Variants in RAB7A observed in about 807,000 individuals in gnomAD.
RAB7A encodes RAB7A, member RAS oncogene family.
In RAB7A, 2 loss-of-function variants were observed where a neutral mutation model predicts 24.5. The observed-to-expected ratio is 0.08, with a 90% CI of 0.03 to 0.26. RAB7A has a LOEUF of 0.26. RAB7A is among the 10% of genes least tolerant of loss of function. RAB7A has a pLI of 1.00. For synonymous variants in RAB7A, 100 were observed against 95.9 expected, an observed-to-expected ratio of 1.04 and a Z score of -0.25; for missense variants, 118 against 255.7, an observed-to-expected ratio of 0.46 and a Z score of 3.67.
At chr3:128,782,062 A>G (rs1933233650) in intron 1 of RAB7A, among the ~76,000 whole-genome samples, 1 of 152,144 alleles carries the variant, frequency 6.6e-6, no homozygotes, top group Admixed American at 6.5e-5. Context: ...TTGGCTTTCC[A>G]TTGTCTTGTT....
chr3:128,732,093 G>A (rs1435615170), intron 1 of RAB7A, among the ~76,000 whole-genome samples: 8 of 149,116 alleles, frequency 5.4e-5, no homozygotes, highest in African/African-American at 2.0e-4. Flanking sequence ...AGGCTGGAGT[G>A]CAGTAGCATG....
At chr3:128,743,514 A>AT (rs1025040343) in intron 1 of RAB7A, among the ~76,000 whole-genome samples, 3 of 152,200 alleles carry the variant, frequency 2.0e-5, no homozygotes, top group Non-Finnish European at 2.9e-5. Flanking sequence ...TGCCTGACTA[A>AT]TTTTTTTTGT....
chr3:128,733,190 T>A (rs922645192), intron 1 of RAB7A, among the ~76,000 whole-genome samples: 2 of 152,196 alleles, frequency 1.3e-5, no homozygotes, highest in African/African-American at 4.8e-5. Context: ...CCTCTTAGTC[T>A]CCTTTAAGTC....
intron 1 of RAB7A, among the ~76,000 whole-genome samples, chr3:128,783,076 TCTTACTTGGCCTCTGGGCATGTCCA>T (rs984495261): frequency 1.3e-5 from 2 of 152,142 alleles, no homozygotes; most frequent in Non-Finnish European, 2.9e-5. Context: ...CTCCATCATC[TCTTACTTGGCCTCTGGGCATGTCCA>T]CTGTCCCTGC....
chr3:128,793,449 C>G (rs1933504215), intron 1 of RAB7A, among the ~76,000 whole-genome samples: 1 of 147,026 alleles, frequency 6.8e-6, no homozygotes, highest in South Asian at 2.2e-4. Flanking sequence ...CCACCGTGCC[C>G]AGCCTTTTCT....
At chr3:128,751,265 G>A (rs1435433986) in intron 1 of RAB7A, among the ~76,000 whole-genome samples, 1 of 152,150 alleles carries the variant, frequency 6.6e-6, no homozygotes, top group African/African-American at 2.4e-5. Context: ...AATAGTAGAT[G>A]CACCAACAGC....
intron 1 of RAB7A, among the ~76,000 whole-genome samples, chr3:128,760,025 G>A (rs533210045): frequency 6.6e-6 from 1 of 152,210 alleles, no homozygotes; most frequent in African/African-American, 2.4e-5. Context: ...GATGACTTAT[G>A]AGTCAATTTG....
At chr3:128,737,494 C>G (rs748130601) in intron 1 of RAB7A, among the ~76,000 whole-genome samples, 1 of 151,848 alleles carries the variant, frequency 6.6e-6, no homozygotes, top group Non-Finnish European at 1.5e-5. Flanking sequence ...CAGGTGTGCA[C>G]CACCATGCCC....
intron 1 of RAB7A, among the ~76,000 whole-genome samples, chr3:128,763,209 T>TATA (rs1553718917): frequency 2.1e-3 from 131 of 62,162 alleles, no homozygotes; most frequent in South Asian, 0.011. Flanking sequence ...TATATATATA[T>TATA]TTTTTTTTTT....
Position 128,813,494 on chromosome 3 carries a change from C to A in RAB7A, c.*72C>A. On this transcript the variant is annotated 3_prime_UTR_variant, in exon 6 of 6. Coordinates refer to ENST00000265062, the MANE Select transcript of RAB7A (RefSeq NM_004637.6). ...CACGTAGGCCTTCAACACAATTCCC[C>A]TCTCCTCTTCCAAACAAAACATACA... 1 of 1,379,432 alleles carries A rather than the reference C, an allele frequency of 7.2e-7. No individual in the cohort carries two copies. The highest frequency in any genetic ancestry group is 1.0e-6 in the Non-Finnish European group (1 of 969,628). 85.4% of individuals were successfully genotyped at this position (1,379,432 alleles called of 1,614,324 possible).
At chr3:128,742,204 C>G (rs13325671) in intron 1 of RAB7A, among the ~76,000 whole-genome samples, 4 of 151,194 alleles carry the variant, frequency 2.6e-5, no homozygotes, top group Non-Finnish European at 2.9e-5. Context: ...TCGTTCCTCC[C>G]GTCTAGAGTT....
chr3:128,787,185 C>T (rs1011570380), intron 1 of RAB7A, among the ~76,000 whole-genome samples: 1 of 152,166 alleles, frequency 6.6e-6, no homozygotes, highest in Non-Finnish European at 1.5e-5. Context: ...GTGATTAGGA[C>T]CCAGTTGTTG....
intron 4 of RAB7A, 84 bp from the exon 5 acceptor site, chr3:128,807,459 G>T: frequency 6.3e-7 from 1 of 1,596,046 alleles, no homozygotes; most frequent in South Asian, 1.1e-5. Flanking sequence ...TGTAGACGAG[G>T]GGCCATGACA....
At chr3:128,751,493 T>C (rs2070680304) in intron 1 of RAB7A, among the ~76,000 whole-genome samples, 1 of 152,194 alleles carries the variant, frequency 6.6e-6, no homozygotes, top group Non-Finnish European at 1.5e-5. Context: ...TGGACTTGGA[T>C]GGGGCCTGTA....
At chr3:128,789,185 C>T (rs926257691) in intron 1 of RAB7A, among the ~76,000 whole-genome samples, 7 of 152,210 alleles carry the variant, frequency 4.6e-5, no homozygotes, top group Admixed American at 1.3e-4. Flanking sequence ...ATCTAAAATG[C>T]TTTCCTTGAA....
intron 1 of RAB7A, among the ~76,000 whole-genome samples, chr3:128,744,378 G>T (rs1338006382): frequency 2.0e-5 from 3 of 152,194 alleles, no homozygotes; most frequent in Non-Finnish European, 4.4e-5. Context: ...CCCATACCTG[G>T]GTCAGCCCTC....
intron 1 of RAB7A, among the ~76,000 whole-genome samples, chr3:128,772,880 G>A (rs945045039): frequency 3.3e-5 from 5 of 152,220 alleles, no homozygotes; most frequent in Non-Finnish European, 7.3e-5. Context: ...ACGGAGTCTC[G>A]TTCACTCAGT....
In RAB7A at chr3:128,790,085, G is replaced by A. The variant is rs1017935329; in HGVS notation, c.-8-5275G>A. ...TGGGATTACAGGCATGAGCCACCAC[G>A]CCTGGCCCCTGGCTCTTTTCTAGAA... On this transcript the variant is annotated intron_variant, in intron 1 of 5. Coordinates refer to ENST00000265062, the MANE Select transcript of RAB7A (RefSeq NM_004637.6). Among the ~76,000 whole-genome samples, 34 of 152,286 alleles carry A rather than the reference G, an allele frequency of 2.2e-4. 1 individual carries two copies. The highest frequency in any genetic ancestry group is 2.1e-3 in the Admixed American group (32 of 15,298).
intron 1 of RAB7A, among the ~76,000 whole-genome samples, chr3:128,739,034 T>C (rs1660403017): frequency 6.6e-6 from 1 of 152,230 alleles, no homozygotes; most frequent in Non-Finnish European, 1.5e-5. Flanking sequence ...TTGGACATAC[T>C]GCTGTGGCTT....
Sources: allele counts gnomAD v4.1 joint callset (sites outside exome capture counted in the v4.1 genomes callset), GRCh38; gene constraint gnomAD v4.1.1; transcripts MANE v1.5; gene names NCBI Gene and HGNC (gene_info 2026-07-23, HGNC 2026-07-21).